PCAT7: variants seen among roughly 807,000 people sequenced by gnomAD.
The protein encoded by PCAT7 is prostate cancer associated transcript 7.
intron 2 of PCAT7, chr9:94,570,498 C>A (rs2131450091): frequency 6.6e-6 from 1 of 152,060 alleles, no homozygotes; most frequent in South Asian, 2.1e-4. Context: ...AGGACAGGTA[C>A]TTTACATTCC....
intron 2 of PCAT7, among the ~76,000 whole-genome samples, chr9:94,571,194 C>A (rs1827264791): frequency 6.6e-6 from 1 of 152,146 alleles, no homozygotes; most frequent in South Asian, 2.1e-4. Flanking sequence ...AGATTGAGTG[C>A]ATTTTTGGAA....
chr9:94,569,465 CTCACCACCTGAACAGAGGCGCTCAT>C (rs1162966876), intron 2 of PCAT7: 1 of 152,286 alleles, frequency 6.6e-6, no homozygotes, highest in Non-Finnish European at 1.5e-5. Context: ...GTGGCACTCA[CTCACCACCTGAACAGAGGCGCTCAT>C]TCTGCATCAG....
intron 2 of PCAT7, among the ~76,000 whole-genome samples, chr9:94,561,510 ATG>A (rs1827102819): frequency 2.0e-5 from 3 of 151,942 alleles, no homozygotes; most frequent in Non-Finnish European, 4.4e-5. Context: ...CCACAGGCAC[ATG>A]CCACCACGCC....
At chr9:94,567,142 C>G in intron 2 of PCAT7, 2 of 905,908 alleles carry the variant, frequency 2.2e-6, no homozygotes, top group African/African-American at 1.7e-5. Context: ...AGTCCATCAT[C>G]TTCATACTGA....
At chr9:94,557,607 T>C (rs2131435397) in intron 1 of PCAT7, among the ~76,000 whole-genome samples, 1 of 152,306 alleles carries the variant, frequency 6.6e-6, no homozygotes, top group South Asian at 2.1e-4. Flanking sequence ...CAAGCTAAAG[T>C]GGGAAAGGAG....
chr9:94,562,332 A>G (rs553298500), intron 2 of PCAT7, among the ~76,000 whole-genome samples: 6 of 140,190 alleles, frequency 4.3e-5, no homozygotes, highest in African/African-American at 1.5e-4. Flanking sequence ...AAAAAAAAAA[A>G]GAATGTCCAT....
At chr9:94,567,241 C>CT in intron 2 of PCAT7, 1 of 1,613,246 alleles carries the variant, frequency 6.2e-7, no homozygotes, top group East Asian at 2.2e-5. Context: ...AGCATTCTGT[C>CT]TGCCACCCAC....
chr9:94,567,021 CCTT>C (rs1426384233), intron 2 of PCAT7, among the ~76,000 whole-genome samples: 1 of 152,106 alleles, frequency 6.6e-6, no homozygotes, highest in Admixed American at 6.5e-5. Context: ...GTGATCTCTG[CCTT>C]CTTTATAAAG....
At chr9:94,562,803 G>T (rs533090046) in intron 2 of PCAT7, among the ~76,000 whole-genome samples, 1 of 152,284 alleles carries the variant, frequency 6.6e-6, no homozygotes, top group South Asian at 2.1e-4. Context: ...AGACCTTCCA[G>T]GAACTACCTT....
intron 2 of PCAT7, chr9:94,570,303 TG>T (rs1479874696): frequency 2.6e-5 from 4 of 152,210 alleles, no homozygotes; most frequent in Non-Finnish European, 5.9e-5. Context: ...AAATTTAGTG[TG>T]GTAGAGTAAT....
chr9:94,561,350 GTATTTT>G (rs1827097311), intron 2 of PCAT7, among the ~76,000 whole-genome samples: 3 of 59,796 alleles, frequency 5.0e-5, no homozygotes, highest in African/African-American at 1.5e-4. Flanking sequence ...CATGTGACCT[GTATTTT>G]TTTTTTTTTT....
At chr9:94,568,425 T>C (rs1827225369) in intron 2 of PCAT7, 1 of 152,166 alleles carries the variant, frequency 6.6e-6, no homozygotes, top group Non-Finnish European at 1.5e-5. Flanking sequence ...TCACTAAAAA[T>C]GGGATCAGCT....
chr9:94,566,333 C>T (rs755884679), intron 2 of PCAT7, among the ~76,000 whole-genome samples: 1 of 152,240 alleles, frequency 6.6e-6, no homozygotes, highest in Non-Finnish European at 1.5e-5. Flanking sequence ...GGGCAAGGAA[C>T]ACCTGGCCCG....
At chr9:94,562,509 T>C (rs948127779) in intron 2 of PCAT7, among the ~76,000 whole-genome samples, 3 of 152,162 alleles carry the variant, frequency 2.0e-5, no homozygotes, top group Non-Finnish European at 4.4e-5. Flanking sequence ...AAAATCTCTC[T>C]GGCTTCATGT....
chr9:94,571,376 C>G (rs1207412435), intron 2 of PCAT7: 1 of 1,347,796 alleles, frequency 7.4e-7, no homozygotes, highest in Non-Finnish European at 9.9e-7. Flanking sequence ...TTAGGAATAA[C>G]CAGGACATTA....
chr9:94,567,561 TG>T (rs1827209752), intron 2 of PCAT7: 1 of 794,696 alleles, frequency 1.3e-6, no homozygotes, highest in African/African-American at 1.7e-5. Context: ...GGTGTTTTCA[TG>T]AGTGGTGGGA....
intron 2 of PCAT7, chr9:94,571,571 G>T (rs752378188): frequency 1.2e-6 from 2 of 1,613,598 alleles, no homozygotes; most frequent in Non-Finnish European, 1.7e-6. Context: ...ACACTGCAGG[G>T]CATCCTTTTC....
chr9:94,567,299 CA>C, intron 2 of PCAT7: 1 of 1,614,196 alleles, frequency 6.2e-7, no homozygotes, highest in South Asian at 1.1e-5. Flanking sequence ...TGCACATATT[CA>C]GTGGTGGCCG....
At chr9:94,564,068 A>C (rs963292259) in intron 2 of PCAT7, among the ~76,000 whole-genome samples, 3 of 152,206 alleles carry the variant, frequency 2.0e-5, no homozygotes, top group Admixed American at 2.0e-4. Context: ...CACTGACAGT[A>C]ATCACTGAAG....
Sources: allele counts gnomAD v4.1 joint callset (sites outside exome capture counted in the v4.1 genomes callset), GRCh38; gene constraint gnomAD v4.1.1; transcripts MANE v1.5; gene names NCBI Gene and HGNC (gene_info 2026-07-23, HGNC 2026-07-21).